SOX5: variants seen among roughly 807,000 people sequenced by gnomAD.
SOX5 encodes the protein SRY-box transcription factor 5.
In SOX5, 9 loss-of-function variants were observed where a neutral mutation model predicts 92.0. The observed-to-expected ratio is 0.10, with a 90% CI of 0.06 to 0.17. SOX5 has a LOEUF of 0.17. Among genes scored for constraint, SOX5 ranks in the 10% least tolerant of loss-of-function variants. The probability of loss-of-function intolerance (pLI) is 1.00; values close to 1 mark genes in which losing one functional copy is unlikely to be tolerated. For missense variants in SOX5, 642 were observed against 944.5 expected (o/e 0.68, Z 4.20); for synonymous variants, 344 against 336.3 (o/e 1.02, Z -0.25).
At chr12:24,119,650 T>C (rs961920505) in intron 4 of SOX5, among the ~76,000 whole-genome samples, 10 of 152,126 alleles carry the variant, frequency 6.6e-5, no homozygotes, top group African/African-American at 2.4e-4. Flanking sequence ...AATTATTCCA[T>C]TGAATTTTAC....
intron 1 of SOX5, among the ~76,000 whole-genome samples, chr12:24,385,056 T>C (rs534864088): frequency 2.8e-4 from 42 of 152,252 alleles, no homozygotes; most frequent in African/African-American, 9.9e-4. Context: ...ATTCATATAA[T>C]TTTATTATGG....
intron 4 of SOX5, among the ~76,000 whole-genome samples, chr12:24,088,937 C>T (rs940903759): frequency 2.6e-5 from 4 of 151,996 alleles, no homozygotes; most frequent in Admixed American, 2.0e-4. Context: ...GAATCATTGC[C>T]AATTTCTTTA....
intron 6 of SOX5, among the ~76,000 whole-genome samples, chr12:23,676,939 C>A (rs570207262): frequency 6.6e-6 from 1 of 152,152 alleles, no homozygotes; most frequent in Non-Finnish European, 1.5e-5. Flanking sequence ...ATCCACAATA[C>A]CTAGCTTAAT....
At chr12:23,709,665 A>T (rs1191054979) in intron 6 of SOX5, among the ~76,000 whole-genome samples, 1 of 152,144 alleles carries the variant, frequency 6.6e-6, no homozygotes, top group African/African-American at 2.4e-5. Context: ...ACCAATTTAA[A>T]CAGTATTTTT....
At chr12:23,948,116 C>T (rs948244388) in intron 1 of SOX5, among the ~76,000 whole-genome samples, 4 of 151,462 alleles carry the variant, frequency 2.6e-5, no homozygotes, top group Non-Finnish European at 5.9e-5. Context: ...AATAAAAGCT[C>T]ACTAATTAAA....
intron 1 of SOX5, among the ~76,000 whole-genome samples, chr12:24,420,113 C>T (rs1228977374): frequency 6.6e-6 from 1 of 152,222 alleles, no homozygotes; most frequent in Non-Finnish European, 1.5e-5. Flanking sequence ...CATGTACTAA[C>T]ATGATTTTAA....
chr12:23,563,536 AAATG>A, intron 10 of SOX5, 133 bp from the exon 11 acceptor site: 2 of 667,900 alleles, frequency 3.0e-6, no homozygotes, highest in Non-Finnish European at 2.5e-6. Context: ...AATTTATCTA[AAATG>A]AATGAATGAA....
chr12:23,889,986 T>A (rs1213392342), intron 2 of SOX5, among the ~76,000 whole-genome samples: 1 of 152,172 alleles, frequency 6.6e-6, no homozygotes, highest in African/African-American at 2.4e-5. Context: ...ATAATAAAAT[T>A]CAGCTGTCTG....
intron 11 of SOX5, among the ~76,000 whole-genome samples, chr12:23,547,929 G>A (rs544723077): frequency 3.3e-5 from 5 of 152,100 alleles, no homozygotes; most frequent in Admixed American, 6.6e-5. Context: ...ATATTCAGCT[G>A]AGCTCAGGAG....
intron 4 of SOX5, among the ~76,000 whole-genome samples, chr12:24,095,420 C>CTTATTTATTTATTTATTTAT (rs146858914): frequency 2.1e-5 from 3 of 140,216 alleles, no homozygotes; most frequent in African/African-American, 7.9e-5. Flanking sequence ...TGCCCTCTCC[C>CTTATTTATTTATTTATTTAT]TTATTTATTT....
intron 1 of SOX5, among the ~76,000 whole-genome samples, chr12:24,557,570 GTT>G (rs1023830771): frequency 2.0e-5 from 3 of 152,064 alleles, no homozygotes; most frequent in African/African-American, 7.2e-5. Context: ...ACTTCCAACA[GTT>G]TAATTGGTGT....
chr12:23,563,327 T>G lies in SOX5; in HGVS notation c.1419A>C (p.Glu473Asp), dbSNP rs1262891466. 2 of 1,614,098 alleles carry G rather than the reference T, an allele frequency of 1.2e-6. No individual in the cohort carries two copies. The highest frequency in any genetic ancestry group is 4.5e-5 in the East Asian group (2 of 44,878). ...CCACCTTCCCATCAAGCACCTGTTG[T>G]TCCCGTCGGAGTTGCTCCTTCATTT... ...ARQMKEQLRR[E>D]QQVLDGKVAV... is the part of the protein sequence containing the mutation. The change falls in exon 11 of 15, where the codon GAA becomes GAC. Residue 473 changes from glutamate (E) to aspartate (D), a missense_variant. Transcript: ENST00000451604.
intron 6 of SOX5, among the ~76,000 whole-genome samples, chr12:23,684,847 T>C (rs1053994233): frequency 1.1e-4 from 16 of 152,134 alleles, no homozygotes; most frequent in Admixed American, 9.2e-4. Context: ...ATTTTGAAAA[T>C]AGAAATGAAA....
At chr12:24,247,667 T>C (rs1429452418) in intron 3 of SOX5, among the ~76,000 whole-genome samples, 1 of 141,542 alleles carries the variant, frequency 7.1e-6, no homozygotes, top group African/African-American at 2.9e-5. Flanking sequence ...TTTTTTTTTT[T>C]TGAGGCGGAG....
intron 4 of SOX5, among the ~76,000 whole-genome samples, chr12:24,124,609 T>C (rs903203576): frequency 8.0e-5 from 12 of 150,720 alleles, no homozygotes; most frequent in Non-Finnish European, 1.8e-4. Flanking sequence ...TTTGGGTGGA[T>C]CCCCAGGACT....
intron 4 of SOX5, among the ~76,000 whole-genome samples, chr12:24,152,188 CAT>C (rs1210528992): frequency 6.6e-6 from 1 of 152,102 alleles, no homozygotes; most frequent in Non-Finnish European, 1.5e-5. Flanking sequence ...TGAAAGTTGA[CAT>C]ATGTCATGGG....
At chr12:24,133,447 T>TCCC (rs1472183910) in intron 4 of SOX5, among the ~76,000 whole-genome samples, 2 of 152,196 alleles carry the variant, frequency 1.3e-5, no homozygotes, top group Non-Finnish European at 2.9e-5. Flanking sequence ...GGAACTGCCT[T>TCCC]CCCCTTTTAA....
chr12:23,753,361 A>T (rs1260093024), intron 4 of SOX5, among the ~76,000 whole-genome samples: 1 of 151,726 alleles, frequency 6.6e-6, no homozygotes, highest in Non-Finnish European at 1.5e-5. Flanking sequence ...ACACGCACAC[A>T]CTTATTCACT....
At chr12:24,322,297 A>G (rs1437097321) in intron 2 of SOX5, among the ~76,000 whole-genome samples, 1 of 152,190 alleles carries the variant, frequency 6.6e-6, no homozygotes, top group Non-Finnish European at 1.5e-5. Context: ...CATTATTAGC[A>G]GACTGTACTT....
Sources: allele counts gnomAD v4.1 joint callset (sites outside exome capture counted in the v4.1 genomes callset), GRCh38; gene constraint gnomAD v4.1.1; transcripts MANE v1.5; gene names NCBI Gene and HGNC (gene_info 2026-07-23, HGNC 2026-07-21).